Variants in CACNB4 observed in about 807,000 individuals in gnomAD.
The protein encoded by CACNB4 is calcium voltage-gated channel auxiliary subunit beta 4, also known as voltage-dependent L-type calcium channel subunit beta-4.
A neutral mutation model predicts 71.2 loss-of-function variants in CACNB4; 32 were observed. That is an observed-to-expected ratio of 0.45 (90% CI 0.34 to 0.60). CACNB4 has a LOEUF of 0.60. Among genes scored for constraint, CACNB4 ranks in the 20% least tolerant of loss-of-function variants. CACNB4 has a pLI of 0.01. For missense variants in CACNB4, 464 were observed against 647.9 expected (o/e 0.72, Z 3.08); for synonymous variants, 231 against 236.9 (o/e 0.97, Z 0.23).
chr2:151,931,001 T>A (rs982831569), intron 2 of CACNB4, among the ~76,000 whole-genome samples: 3 of 152,210 alleles, frequency 2.0e-5, no homozygotes, highest in Non-Finnish European at 2.9e-5. Context: ...TTCTACACTA[T>A]TTGAAGTTTG....
intron 2 of CACNB4, among the ~76,000 whole-genome samples, chr2:152,020,978 T>C (rs1178055635): frequency 6.6e-6 from 1 of 152,108 alleles, no homozygotes; most frequent in Non-Finnish European, 1.5e-5. Context: ...TCTAGCTGGG[T>C]GCGGTGGTTC....
intron 2 of CACNB4, among the ~76,000 whole-genome samples, chr2:152,042,023 G>C (rs1684899979): frequency 6.6e-6 from 1 of 152,166 alleles, no homozygotes; most frequent in East Asian, 1.9e-4. Flanking sequence ...TATGTGATCT[G>C]TTCAGTCTGC....
chr2:151,953,093 A>T (rs545643796), intron 2 of CACNB4, among the ~76,000 whole-genome samples: 1 of 152,310 alleles, frequency 6.6e-6, no homozygotes, highest in East Asian at 1.9e-4. Flanking sequence ...GGGATGACTG[A>T]GCTGAGATGA....
At chr2:151,909,867 T>A (rs2099855766) in intron 2 of CACNB4, among the ~76,000 whole-genome samples, 1 of 152,224 alleles carries the variant, frequency 6.6e-6, no homozygotes, top group South Asian at 2.1e-4. Flanking sequence ...GCAATAAACA[T>A]ACATGTGCAT....
At chr2:152,010,032 C>A (rs577195512) in intron 2 of CACNB4, among the ~76,000 whole-genome samples, 1 of 152,290 alleles carries the variant, frequency 6.6e-6, no homozygotes, top group East Asian at 1.9e-4. Flanking sequence ...GAGTCACAAC[C>A]AAAGTCAAGG....
chr2:151,893,628 T>C (rs1307763561), intron 2 of CACNB4, among the ~76,000 whole-genome samples: 2 of 152,096 alleles, frequency 1.3e-5, no homozygotes, highest in South Asian at 2.1e-4. Context: ...AAAAGATATA[T>C]ATGTATATAA....
At chr2:152,053,023 G>C (rs1312217488) in intron 2 of CACNB4, among the ~76,000 whole-genome samples, 6 of 151,988 alleles carry the variant, frequency 3.9e-5, no homozygotes, top group Non-Finnish European at 8.8e-5. Flanking sequence ...GATATAATAA[G>C]AGACATATAT....
At chr2:151,888,398 C>CA (rs1228582053) in intron 2 of CACNB4, among the ~76,000 whole-genome samples, 1 of 151,630 alleles carries the variant, frequency 6.6e-6, no homozygotes, top group Admixed American at 6.6e-5. Context: ...CCCATATCTA[C>CA]AAAAAATAAA....
chr2:151,886,720 A>G (rs1422242688), intron 2 of CACNB4, among the ~76,000 whole-genome samples: 1 of 152,198 alleles, frequency 6.6e-6, no homozygotes, highest in East Asian at 1.9e-4. Flanking sequence ...TGCTTTGTAT[A>G]TGAAAAAGCA....
At chr2:151,973,736 C>G in intron 2 of CACNB4, 1 of 1,611,258 alleles carries the variant, frequency 6.2e-7, no homozygotes, top group Non-Finnish European at 8.5e-7. Flanking sequence ...ATCCAGAGCA[C>G]CTCTTTCAAG....
At chr2:151,919,877 A>C (rs1172031143) in intron 2 of CACNB4, among the ~76,000 whole-genome samples, 1 of 148,370 alleles carries the variant, frequency 6.7e-6, no homozygotes, top group Non-Finnish European at 1.5e-5. Flanking sequence ...ACAAAACCTG[A>C]ATTATTTCCT....
intron 2 of CACNB4, among the ~76,000 whole-genome samples, chr2:151,914,238 T>C (rs973605557): frequency 6.6e-6 from 1 of 152,174 alleles, no homozygotes; most frequent in Non-Finnish European, 1.5e-5. Context: ...AATTCTGATA[T>C]CCTTTTTTCT....
chr2:151,978,159 T>C (rs2099874125), intron 2 of CACNB4, among the ~76,000 whole-genome samples: 1 of 132,984 alleles, frequency 7.5e-6, no homozygotes, highest in Non-Finnish European at 1.6e-5. Flanking sequence ...CCACTTCTAT[T>C]AGTCCTCTGC....
chr2:151,931,608 G>A (rs2099861638), intron 2 of CACNB4, among the ~76,000 whole-genome samples: 1 of 152,138 alleles, frequency 6.6e-6, no homozygotes, highest in Admixed American at 6.5e-5. Flanking sequence ...GGAACTCTCT[G>A]GCATTTTTAT....
At chr2:152,055,123 T>C (rs987981321) in intron 2 of CACNB4, among the ~76,000 whole-genome samples, 5 of 152,176 alleles carry the variant, frequency 3.3e-5, no homozygotes, top group Non-Finnish European at 5.9e-5. Context: ...GGGATTCTCA[T>C]GTCTCAGCCT....
intron 2 of CACNB4, among the ~76,000 whole-genome samples, chr2:151,888,884 C>T (rs1008295218): frequency 3.9e-5 from 6 of 152,126 alleles, no homozygotes; most frequent in Admixed American, 3.9e-4. Flanking sequence ...CAGCGCTGTC[C>T]AATGGAACTT....
chr2:151,926,494 T>C (rs1403087175), intron 2 of CACNB4, among the ~76,000 whole-genome samples: 24 of 152,188 alleles, frequency 1.6e-4, no homozygotes. Context: ...GGAATTTTGC[T>C]ATAAAAAGCA....
At chr2:152,026,844 T>A (rs1379853483) in intron 2 of CACNB4, among the ~76,000 whole-genome samples, 1 of 152,190 alleles carries the variant, frequency 6.6e-6, no homozygotes, top group Non-Finnish European at 1.5e-5. Flanking sequence ...TCCATATTGT[T>A]AAGTCCATTG....
chr2:152,075,335 G>A (rs1340010081), intron 2 of CACNB4, among the ~76,000 whole-genome samples: 1 of 152,168 alleles, frequency 6.6e-6, no homozygotes, highest in Non-Finnish European at 1.5e-5. Flanking sequence ...GTCCTTGGGA[G>A]GTTCACTGTC....
Sources: gnomAD v4.1 joint callset for allele counts (sites outside exome capture counted in the v4.1 genomes callset) on GRCh38, gnomAD v4.1.1 for gene constraint, MANE v1.5 for transcripts, NCBI Gene and HGNC (gene_info 2026-07-23, HGNC 2026-07-21) for gene names.